NPHP4: variants seen among roughly 807,000 people sequenced by gnomAD.
NPHP4 encodes the protein nephrocystin 4.
A neutral mutation model predicts 155.8 loss-of-function variants in NPHP4; 151 were observed. That is an observed-to-expected ratio of 0.97 (90% CI 0.85 to 1.11). NPHP4 has a LOEUF of 1.11. Ranked by LOEUF, NPHP4 falls within the 50% of genes least tolerant of loss-of-function variation. The probability of loss-of-function intolerance (pLI) is 0.00; values close to 1 mark genes in which losing one functional copy is unlikely to be tolerated. For missense variants in NPHP4, 1,956 were observed against 1,925.7 expected, an observed-to-expected ratio of 1.02 and a Z score of -0.29; for synonymous variants, 845 against 816.8, an observed-to-expected ratio of 1.03 and a Z score of -0.59.
intron 11 of NPHP4, among the ~76,000 whole-genome samples, chr1:5,911,292 A>G (rs2101320987): frequency 6.6e-6 from 1 of 152,324 alleles, no homozygotes; most frequent in African/African-American, 2.4e-5. Context: ...AAAAGCCTGA[A>G]AGATGACACA....
At chr1:5,915,916 G>A (rs1240426635) in intron 11 of NPHP4, among the ~76,000 whole-genome samples, 1 of 152,146 alleles carries the variant, frequency 6.6e-6, no homozygotes, top group African/African-American at 2.4e-5. Flanking sequence ...CCTCACCCAG[G>A]ACAAGGGAGC....
intron 26 of NPHP4, 119 bp downstream of exon 26, chr1:5,866,254 C>G: frequency 1.3e-6 from 1 of 753,194 alleles, no homozygotes; most frequent in Non-Finnish European, 2.4e-6. Flanking sequence ...AGCGAAGGCC[C>G]GAAAGCTCCC....
At chr1:5,930,274 T>C (rs1298566171) in intron 10 of NPHP4, among the ~76,000 whole-genome samples, 1 of 152,218 alleles carries the variant, frequency 6.6e-6, no homozygotes, top group African/African-American at 2.4e-5. Flanking sequence ...ATTTTTTAAT[T>C]TTTAATCTAT....
At chr1:5,969,394 G>T in intron 3 of NPHP4, 135 bp from the exon 4 acceptor site, 1 of 489,322 alleles carries the variant, frequency 2.0e-6, no homozygotes. Context: ...GCCCTCATGT[G>T]GTGTACCACA....
intron 2 of NPHP4, among the ~76,000 whole-genome samples, chr1:5,982,938 C>T (rs758182673): frequency 5.9e-5 from 9 of 152,148 alleles, no homozygotes; most frequent in Non-Finnish European, 1.0e-4. Context: ...GCCCAGCATA[C>T]GGTCTATCTT....
intron 3 of NPHP4, among the ~76,000 whole-genome samples, chr1:5,974,635 G>T (rs188625496): frequency 4.5e-4 from 69 of 151,904 alleles, no homozygotes; most frequent in African/African-American, 1.5e-3. Flanking sequence ...GACGTGTCTG[G>T]GGACTGCTCT....
At chr1:5,957,317 C>T (rs1279213010) in intron 6 of NPHP4, among the ~76,000 whole-genome samples, 1 of 152,202 alleles carries the variant, frequency 6.6e-6, no homozygotes, top group Non-Finnish European at 1.5e-5. Flanking sequence ...AAGCAAGAAC[C>T]CCCTTCCCAC....
chr1:5,916,898 G>A (rs906365234), intron 11 of NPHP4, among the ~76,000 whole-genome samples: 11 of 152,206 alleles, frequency 7.2e-5, no homozygotes, highest in East Asian at 1.9e-4. Context: ...ACCTGTCTTC[G>A]TCCTTCTCAA....
Position 5,874,884 on chromosome 1 carries a change from G to A in NPHP4, c.3034C>T (p.Pro1012Ser), listed in dbSNP as rs775841875. 21 of 1,613,552 alleles carry A rather than the reference G, an allele frequency of 1.3e-5. No individual in the cohort carries two copies. The highest frequency in any genetic ancestry group is 1.6e-5 in the Non-Finnish European group (19 of 1,179,730). ...CCACTGAGACCTCACCTGAGCTCGG[G>A]GTTGTCGATCTCCACAGTCACCGTG... ...QHTVTVEIDNPELSVIVDSQE... is the reference protein window; with the variant it reads ...QHTVTVEIDNSELSVIVDSQE... The change falls in exon 21 of 30, where the codon CCC becomes TCC. Residue 1012 changes from proline to serine, a missense_variant. Transcript: ENST00000378156.
At chr1:5,965,538 C>T (rs1382151098) in intron 5 of NPHP4, among the ~76,000 whole-genome samples, 1 of 152,194 alleles carries the variant, frequency 6.6e-6, no homozygotes, top group Admixed American at 6.5e-5. Context: ...AAGTTCCTGA[C>T]TGGTTGTTCT....
At chr1:5,983,978 T>C (rs1177581174) in intron 2 of NPHP4, among the ~76,000 whole-genome samples, 1 of 152,170 alleles carries the variant, frequency 6.6e-6, no homozygotes, top group Non-Finnish European at 1.5e-5. Context: ...ACTTTTAACA[T>C]ACGACTTTGG....
rs1218441451 is a variant in NPHP4 at position 5,867,981 on chromosome 1, C to A, written c.3316-85G>T. 7.0e-7 allele frequency: 1 copy of A among 1,436,350 alleles called. No homozygotes were observed. Among genetic ancestry groups the A allele is most frequent in the Non-Finnish European group, 9.8e-7 (1 of 1,022,542 alleles). 89.0% of individuals were successfully genotyped at this position (1,436,350 alleles called of 1,614,324 possible). On this transcript the variant is annotated intron_variant, in intron 23 of 29. Coordinates refer to ENST00000378156, the MANE Select transcript of NPHP4 (RefSeq NM_015102.5). The surrounding 1 kb of genome is among the most constrained non-coding windows in gnomAD (Gnocchi z 4.1). ...CCCTCCTTAGACAGCACACGTATCT[C>A]CACTGTTGCCAAGACCCCCTCACCC...
chr1:5,976,057 T>C lies in NPHP4; in HGVS notation c.279+2213A>G, dbSNP rs565557681. Among the ~76,000 whole-genome samples, 4 of 152,190 alleles carry C rather than the reference T, an allele frequency of 2.6e-5. No homozygotes were observed. In the South Asian group the frequency reaches 8.3e-4, roughly 32 times the overall value. ...TCGGTGACTGCAAGGCATCCCTGGT[T>C]TCAGAGCATACTCCATCCCTCAGCA... On this transcript the variant is annotated intron_variant, in intron 3 of 29. Coordinates refer to ENST00000378156, the MANE Select transcript of NPHP4 (RefSeq NM_015102.5).
At chr1:5,877,058 G>A in intron 20 of NPHP4, 35 bp downstream of exon 20, 2 of 1,340,088 alleles carry the variant, frequency 1.5e-6, no homozygotes, top group East Asian at 2.8e-5. Context: ...TCTGCATGGA[G>A]ATCCCAGGAC....
At chr1:5,877,997 G>T (rs1438169679) in intron 19 of NPHP4, among the ~76,000 whole-genome samples, 1 of 152,224 alleles carries the variant, frequency 6.6e-6, no homozygotes, top group Non-Finnish European at 1.5e-5. Flanking sequence ...TGTCGGGCGG[G>T]GCTGTGCTGG....
chr1:5,874,353 C>T, intron 22 of NPHP4, 118 bp downstream of exon 22: 1 of 1,033,228 alleles, frequency 9.7e-7, no homozygotes, highest in Non-Finnish European at 1.4e-6. Flanking sequence ...TGGGCGGCAG[C>T]CCCAAGGCTA....
intron 9 of NPHP4, among the ~76,000 whole-genome samples, chr1:5,936,857 C>T (rs1211759405): frequency 1.3e-5 from 2 of 152,220 alleles, no homozygotes; most frequent in Admixed American, 6.5e-5. Context: ...ACAAGGGTCT[C>T]TGTGGATGTG....
chr1:5,876,960 A>T, intron 20 of NPHP4, 133 bp downstream of exon 20: 1 of 633,480 alleles, frequency 1.6e-6, no homozygotes, highest in South Asian at 8.0e-5. Flanking sequence ...AAAAAGTCCG[A>T]TTTTCTTATA....
At chr1:5,964,921 A>ATG (rs2102190663) in intron 5 of NPHP4, among the ~76,000 whole-genome samples, 1 of 62,766 alleles carries the variant, frequency 1.6e-5, no homozygotes, top group African/African-American at 8.3e-5. Flanking sequence ...TATATATTAT[A>ATG]TATATATATA....
Sources: allele counts gnomAD v4.1 joint callset (sites outside exome capture counted in the v4.1 genomes callset), GRCh38; gene constraint gnomAD v4.1.1; non-coding constraint Gnocchi (gnomAD v3.1); transcripts MANE v1.5; gene names NCBI Gene and HGNC (gene_info 2026-07-23, HGNC 2026-07-21).